The following SMG6 variants were observed in gnomAD, a reference collection of about 807,000 sequenced individuals.
SMG6 encodes the protein SMG6 nonsense mediated mRNA decay factor, also known as telomerase-binding protein EST1A.
In SMG6, 66 loss-of-function variants were observed where a neutral mutation model predicts 142.2. The observed-to-expected ratio is 0.46, with a 90% confidence interval of 0.38 to 0.57. The LOEUF is 0.57. SMG6 is among the 20% of genes least tolerant of loss of function. The probability of loss-of-function intolerance (pLI) is 0.00; values close to 1 mark genes in which losing one functional copy is unlikely to be tolerated. For synonymous variants in SMG6, 779 were observed against 702.4 expected (o/e 1.11, Z -1.72); for missense variants, 1,793 against 1,832.0 (o/e 0.98, Z 0.39).
intron 13 of SMG6, among the ~76,000 whole-genome samples, chr17:2,128,704 G>C (rs1343574034): frequency 2.6e-5 from 4 of 151,560 alleles, no homozygotes; most frequent in Non-Finnish European, 5.9e-5. Context: ...TGCACCTGTA[G>C]GCCCAGCTAC....
chr17:2,278,045 C>T (rs182185564), intron 8 of SMG6, among the ~76,000 whole-genome samples: 1 of 152,036 alleles, frequency 6.6e-6, no homozygotes, highest in East Asian at 1.9e-4. Context: ...GAGATCCTAT[C>T]TCTCAAAAAA....
At position 2,061,510 on chromosome 17, in the gene SMG6, CG is replaced by C; in HGVS notation, c.4241del (p.Thr1414SerfsTer83). 1 of 1,574,632 alleles carries C rather than the reference CG, an allele frequency of 6.4e-7. No individual in the cohort carries two copies. The highest frequency in any genetic ancestry group is 8.6e-7 in the Non-Finnish European group (1 of 1,160,858). On this transcript the variant is annotated frameshift_variant, in exon 19 of 19. Transcript: ENST00000263073. LOFTEE classifies it high-confidence loss of function. ...VPVRDIPAFL[T>X]WAQVG ...GGCTCCCTCAGCCCACCTGGGCCCA[CG>C]TGAGGAAGGCTGGGATGTCCCGTAC...
At chr17:2,238,160 A>T (rs1431535137) in intron 9 of SMG6, among the ~76,000 whole-genome samples, 1 of 152,188 alleles carries the variant, frequency 6.6e-6, no homozygotes, top group Non-Finnish European at 1.5e-5. Flanking sequence ...CACTCCTTGC[A>T]CTTGGATGGC....
intron 15 of SMG6, among the ~76,000 whole-genome samples, chr17:2,073,519 G>A (rs1192336831): frequency 6.6e-6 from 1 of 151,168 alleles, no homozygotes; most frequent in Non-Finnish European, 1.5e-5. Flanking sequence ...GACCAGCCTG[G>A]CCAACATCGC....
intron 8 of SMG6, among the ~76,000 whole-genome samples, chr17:2,245,160 T>A (rs1444488289): frequency 6.6e-6 from 1 of 152,190 alleles, no homozygotes; most frequent in African/African-American, 2.4e-5. Context: ...GCAGGACTCT[T>A]TGACAACCAA....
intron 15 of SMG6, among the ~76,000 whole-genome samples, chr17:2,078,435 G>A (rs970285486): frequency 2.0e-5 from 3 of 149,150 alleles, no homozygotes; most frequent in Non-Finnish European, 4.4e-5. Context: ...CTAATGGCTC[G>A]ATCTCGGCTC....
At chr17:2,278,111 A>G (rs1016478324) in intron 8 of SMG6, among the ~76,000 whole-genome samples, 2 of 152,312 alleles carry the variant, frequency 1.3e-5, no homozygotes, top group African/African-American at 4.8e-5. Context: ...GTATACACTT[A>G]TAAATGCTTA....
At chr17:2,148,009 G>A (rs1357853592) in intron 13 of SMG6, among the ~76,000 whole-genome samples, 2 of 152,072 alleles carry the variant, frequency 1.3e-5, no homozygotes, top group Non-Finnish European at 2.9e-5. Flanking sequence ...GGGCAACATG[G>A]TGAAACCCCA....
chr17:2,077,872 G>GTTAAA (rs1567578356), intron 15 of SMG6, among the ~76,000 whole-genome samples: 2 of 152,132 alleles, frequency 1.3e-5, no homozygotes, highest in Non-Finnish European at 2.9e-5. Flanking sequence ...GCTCAGAAAA[G>GTTAAA]TTAAATAATC....
chr17:2,162,406 C>T (rs967477429), intron 13 of SMG6, among the ~76,000 whole-genome samples: 2 of 150,196 alleles, frequency 1.3e-5, no homozygotes, highest in South Asian at 2.1e-4. Flanking sequence ...CCCAGCTACT[C>T]GGGAGGCTGA....
At chr17:2,082,618 C>A (rs892478308) in intron 14 of SMG6, among the ~76,000 whole-genome samples, 1 of 152,202 alleles carries the variant, frequency 6.6e-6, no homozygotes, top group African/African-American at 2.4e-5. Context: ...GCTTAAGGAG[C>A]CTCCTGCCAG....
chr17:2,164,669 G>A (rs534648744), intron 13 of SMG6, among the ~76,000 whole-genome samples: 1 of 152,242 alleles, frequency 6.6e-6, no homozygotes, highest in Admixed American at 6.5e-5. Flanking sequence ...GGGAACGGTG[G>A]CTCATGCCTG....
At position 2,208,949 on chromosome 17, in the gene SMG6, G is replaced by A. The variant is rs1184862730; in HGVS notation, c.2870-20434C>T. On this transcript the variant is annotated intron_variant, in intron 10 of 18. Transcript: ENST00000263073. ...AACCCCAGCACTTTGGGAGGCTGAA[G>A]TGGGTGGGTTGCCTGAGCTCAGGAA... 2.0e-5 allele frequency among the ~76,000 whole-genome samples: 3 copies of A among 152,220 alleles called. No individual in the cohort carries two copies. The East Asian group carries it at 5.8e-4, about 29-fold the overall frequency.
At chr17:2,062,423 T>C (rs900198606) in intron 18 of SMG6, 3 of 152,208 alleles carry the variant, frequency 2.0e-5, no homozygotes, top group African/African-American at 7.2e-5. Context: ...ATCATGATCA[T>C]ATTAGCCACA....
intron 13 of SMG6, among the ~76,000 whole-genome samples, chr17:2,105,107 T>G (rs1244561436): frequency 6.9e-6 from 1 of 144,470 alleles, no homozygotes; most frequent in Non-Finnish European, 1.5e-5. Context: ...TTTTTTTTTT[T>G]GTAGAGATGG....
At chr17:2,238,111 A>G (rs1463904271) in intron 9 of SMG6, among the ~76,000 whole-genome samples, 5 of 152,320 alleles carry the variant, frequency 3.3e-5, no homozygotes, top group African/African-American at 1.2e-4. Context: ...TCCTCCCTGG[A>G]TTAGAAAACT....
At chr17:2,178,901 T>G (rs949785161) in intron 12 of SMG6, among the ~76,000 whole-genome samples, 4 of 152,174 alleles carry the variant, frequency 2.6e-5, no homozygotes, top group Admixed American at 2.0e-4. Flanking sequence ...CCAACACGTC[T>G]TCTTAGCTTA....
At chr17:2,084,005 A>G (rs970651697) in intron 14 of SMG6, among the ~76,000 whole-genome samples, 2 of 152,200 alleles carry the variant, frequency 1.3e-5, no homozygotes, top group African/African-American at 4.8e-5. Flanking sequence ...AACGAGAAAA[A>G]AAAGTGTGGC....
At chr17:2,242,801 A>G (rs1212371398) in intron 9 of SMG6, among the ~76,000 whole-genome samples, 1 of 151,922 alleles carries the variant, frequency 6.6e-6, no homozygotes, top group Non-Finnish European at 1.5e-5. Flanking sequence ...GTTATTTTTA[A>G]GATGATACCG....
Sources: allele counts gnomAD v4.1 joint callset (sites outside exome capture counted in the v4.1 genomes callset), GRCh38; gene constraint gnomAD v4.1.1; transcripts MANE v1.5; gene names NCBI Gene and HGNC (gene_info 2026-07-23, HGNC 2026-07-21).